SLC7A2: variants seen among roughly 807,000 people sequenced by gnomAD.
SLC7A2 encodes the protein cationic amino acid transporter 2.
In SLC7A2, 48 loss-of-function variants were observed where a neutral mutation model predicts 58.9. That is an observed-to-expected ratio of 0.82 (90% CI 0.65 to 1.04). The LOEUF (loss-of-function observed/expected upper bound fraction) is 1.04, where lower values mean the gene tolerates loss of function less well. Among genes scored for constraint, SLC7A2 ranks in the 50% least tolerant of loss-of-function variants. The probability of loss-of-function intolerance (pLI) is 0.00; values close to 1 mark genes in which losing one functional copy is unlikely to be tolerated. For missense variants in SLC7A2, 1,029 were observed against 818.8 expected, an observed-to-expected ratio of 1.26 and a Z score of -3.13; for synonymous variants, 363 against 314.5, an observed-to-expected ratio of 1.15 and a Z score of -1.63.
Position 17,550,386 on chromosome 8 carries a change from G to A in SLC7A2, c.784G>A (p.Ala262Thr). 1.9e-6 allele frequency: 3 copies of A among 1,614,024 alleles called. No individual in the cohort carries two copies. Among genetic ancestry groups the A allele is most frequent in the Middle Eastern group, 1.7e-4 (1 of 6,058 alleles). Reference protein sequence around the residue: ...YGFTGTLAGAATCFYAFVGFD... With the variant: ...YGFTGTLAGATTCFYAFVGFD... ...CTTTACGGGAACGTTGGCTGGTGCT[G>A]CAACTTGCTTTTATGCCTTTGTGGG... The change falls in exon 6 of 13, where the codon GCA becomes ACA. Residue 262 changes from alanine (A) to threonine (T), a missense_variant. Ala to Thr is a moderately conservative substitution (Grantham distance 58). Coordinates refer to ENST00000494857, the MANE Select transcript of SLC7A2 (RefSeq NM_001370338.1).
intron 2 of SLC7A2, among the ~76,000 whole-genome samples, chr8:17,521,644 C>T (rs1585203191): frequency 6.6e-6 from 1 of 152,206 alleles, no homozygotes; most frequent in East Asian, 1.9e-4. Context: ...TGGCGCTGGG[C>T]TGTGGCCTCT....
rs554835865 is a variant in SLC7A2 at position 17,551,830 on chromosome 8, T to G, written c.899T>G (p.Phe300Cys). 2 of 1,613,994 alleles carry G rather than the reference T, an allele frequency of 1.2e-6. No individual in the cohort carries two copies. Among genetic ancestry groups the G allele is most frequent in the Non-Finnish European group, 1.7e-6 (2 of 1,180,012 alleles). ...IGIVTSLLVC[F>C]MAYFGVSAAL... Reference sequence around the variant, plus strand: ...ATTGTGACGTCTTTGCTTGTTTGCTTTATGGCCTATTTTGGGGTCTCTGCA... The same window carrying G: ...ATTGTGACGTCTTTGCTTGTTTGCTGTATGGCCTATTTTGGGGTCTCTGCA... Residue 300 changes from phenylalanine (F) to cysteine (C), a missense_variant, in exon 7 of 13, where the codon TTT (phenylalanine) becomes TGT (cysteine). Coordinates refer to ENST00000494857, the MANE Select transcript of SLC7A2 (RefSeq NM_001370338.1).
At chr8:17,547,708 T>A (rs978034505) in intron 4 of SLC7A2, among the ~76,000 whole-genome samples, 17 of 151,952 alleles carry the variant, frequency 1.1e-4, no homozygotes, top group Non-Finnish European at 2.9e-5. Context: ...AAGGGATGAA[T>A]TAAAGTGTAG....
intron 4 of SLC7A2, among the ~76,000 whole-genome samples, chr8:17,545,501 G>A (rs139802876): frequency 1.8e-4 from 26 of 146,634 alleles, no homozygotes; most frequent in East Asian, 1.4e-3. Flanking sequence ...GGGTGCAAGC[G>A]ATTCTTCTGC....
At position 17,505,999 on chromosome 8, in the gene SLC7A2, T is replaced by A. The variant is rs145088510; in HGVS notation, c.-23+3697T>A. 2.2e-3 allele frequency among the ~76,000 whole-genome samples: 333 copies of A among 152,362 alleles called. 3 individuals carry two copies. Among genetic ancestry groups the A allele is most frequent in the African/African-American group, 7.5e-3 (311 of 41,596 alleles). On this transcript the variant is annotated intron_variant, in intron 2 of 12. Transcript: ENST00000494857. The stretch of plus-strand genomic sequence containing the variant: ...CGAAGTGAGGAATTTTAATGCTGAT[T>A]TAGCTACTGAAAAATTATCTCTTGC...
At chr8:17,500,931 T>A (rs1288951987) in intron 1 of SLC7A2, among the ~76,000 whole-genome samples, 1 of 152,136 alleles carries the variant, frequency 6.6e-6, no homozygotes, top group Admixed American at 6.5e-5. Flanking sequence ...ATTTTTCTTG[T>A]CCATCTTAGT....
chr8:17,563,502 G>A (rs1803119291), intron 11 of SLC7A2, 101 bp from the exon 12 acceptor site: 1 of 717,968 alleles, frequency 1.4e-6, no homozygotes, highest in Middle Eastern at 2.8e-4. Flanking sequence ...TTGACGTGGT[G>A]TGAAAGTATA....
intron 2 of SLC7A2, among the ~76,000 whole-genome samples, chr8:17,537,038 A>C (rs1801696934): frequency 6.6e-6 from 1 of 152,090 alleles, no homozygotes; most frequent in Non-Finnish European, 1.5e-5. Context: ...CCTCTGAATG[A>C]ACACTGTATG....
intron 8 of SLC7A2, 58 bp downstream of exon 8, chr8:17,554,757 C>T: frequency 6.6e-7 from 1 of 1,515,940 alleles, no homozygotes. Flanking sequence ...AAGGACTCTG[C>T]ATTAAAAATA....
chr8:17,499,505 G>A lies in SLC7A2; in HGVS notation c.-69+2268G>A, dbSNP rs574774554. Among the ~76,000 whole-genome samples the A allele has an allele frequency of 4.5e-4, 68 of 151,224 alleles. No homozygotes were observed. The South Asian group carries it at 5.9e-3, about 13-fold the overall frequency. ...CAACTTTCAGAACAGAATCTTGGGA[G>A]CACCTTCATGTTGCTGTTTGCTTTA... On this transcript the variant is annotated intron_variant, in intron 1 of 12. Transcript: ENST00000494857.
At chr8:17,538,751 G>A (rs1801780511) in intron 2 of SLC7A2, 9 of 1,590,964 alleles carry the variant, frequency 5.7e-6, no homozygotes, top group Admixed American at 3.4e-5. Flanking sequence ...TTATCTATAC[G>A]ATTTAATTAC....
chr8:17,498,019 G>T (rs1324246779), intron 1 of SLC7A2, among the ~76,000 whole-genome samples: 1 of 152,026 alleles, frequency 6.6e-6, no homozygotes, highest in Non-Finnish European at 1.5e-5. Flanking sequence ...TCTTCAACTC[G>T]TCGAAAAGAA....
intron 4 of SLC7A2, 137 bp downstream of exon 4, chr8:17,544,743 C>A: frequency 1.4e-6 from 1 of 709,158 alleles, no homozygotes; most frequent in East Asian, 2.7e-5. Context: ...TGTTAGACAT[C>A]TGTGGGGTTT....
intron 8 of SLC7A2, among the ~76,000 whole-genome samples, chr8:17,556,498 C>G (rs563580265): frequency 3.1e-4 from 47 of 152,166 alleles, no homozygotes; most frequent in Non-Finnish European, 6.6e-4. Context: ...TAACTTGGAT[C>G]AGAGCGCTTG....
At position 17,562,059 on chromosome 8, in the gene SLC7A2, C is replaced by A. The variant is rs749489473; in HGVS notation, c.1620C>A (p.Ile540=). The A allele has an allele frequency of 6.2e-7, 1 of 1,613,930 alleles. No individual in the cohort carries two copies. Among genetic ancestry groups the A allele is most frequent in the Admixed American group, 1.7e-5 (1 of 60,014 alleles). The change falls in exon 11 of 13, where the codon ATC becomes ATA. Residue 540 remains isoleucine, a synonymous_variant. Transcript: ENST00000494857. ...TGTTTCTTGTTCTCTTCGTTGCCAT[C>A]GTTCTCACCATCTGGAGGCAGCCCC... ...LALFLVLFVA[I]VLTIWRQPQN...
intron 2 of SLC7A2, among the ~76,000 whole-genome samples, chr8:17,526,491 A>C (rs1392311797): frequency 6.6e-6 from 1 of 152,170 alleles, no homozygotes; most frequent in Admixed American, 6.5e-5. Flanking sequence ...AGAGAACCTC[A>C]CTGTTAAAAC....
At chr8:17,559,073 A>G (rs181037514) in intron 9 of SLC7A2, among the ~76,000 whole-genome samples, 6 of 152,272 alleles carry the variant, frequency 3.9e-5, no homozygotes, top group Admixed American at 3.3e-4. Context: ...TTTCTCCTGT[A>G]TACTTTCATG....
At chr8:17,522,709 C>G (rs1801063969) in intron 2 of SLC7A2, among the ~76,000 whole-genome samples, 1 of 148,556 alleles carries the variant, frequency 6.7e-6, no homozygotes, top group Non-Finnish European at 1.5e-5. Context: ...TGAGGGAAAG[C>G]TTCCTTTGTG....
At chr8:17,549,685 CA>C (rs1802354417) in intron 5 of SLC7A2, among the ~76,000 whole-genome samples, 2 of 152,114 alleles carry the variant, frequency 1.3e-5, no homozygotes, top group Admixed American at 6.6e-5. Flanking sequence ...TAAGATTACA[CA>C]AATATCTATT....
Sources: gnomAD v4.1 joint callset for allele counts (sites outside exome capture counted in the v4.1 genomes callset) on GRCh38, gnomAD v4.1.1 for gene constraint, MANE v1.5 for transcripts, NCBI Gene and HGNC (gene_info 2026-07-23, HGNC 2026-07-21) for gene names.